The following SNRPN variants were observed in gnomAD, a reference collection of about 807,000 sequenced individuals.
SNRPN encodes small nuclear ribonucleoprotein-associated protein N.
SNRPN carries 7 observed loss-of-function variants against 25.2 expected under a neutral mutation model. The ratio of observed to expected loss-of-function variants is 0.28; its 90% CI spans 0.16 to 0.52. The LOEUF is 0.52. SNRPN is among the 20% of genes least tolerant of loss of function. SNRPN has a pLI of 0.96. For missense variants in SNRPN, 196 were observed against 322.5 expected, an observed-to-expected ratio of 0.61 and a Z score of 3.00; for synonymous variants, 124 against 110.6, an observed-to-expected ratio of 1.12 and a Z score of -0.76.
chr15:24,901,183 G>A (rs945331736), intron 2 of SNRPN, among the ~76,000 whole-genome samples: 3 of 152,106 alleles, frequency 2.0e-5, no homozygotes, highest in Admixed American at 6.6e-5. Context: ...TGGTATTGCC[G>A]TCTTAGGTAG....
intron 1 of SNRPN, among the ~76,000 whole-genome samples, chr15:24,873,865 A>G (rs1246656135): frequency 1.3e-5 from 2 of 152,160 alleles, no homozygotes; most frequent in Non-Finnish European, 2.9e-5. Flanking sequence ...CAGCTGATCT[A>G]GACCACATTT....
intron 2 of SNRPN, among the ~76,000 whole-genome samples, chr15:24,917,435 C>G (rs73354127): frequency 2.6e-5 from 4 of 152,236 alleles, no homozygotes; most frequent in East Asian, 3.9e-4. Context: ...TTAGTAATTT[C>G]GAAGTATTTT....
chr15:24,828,496 G>A (rs765467864), intron 1 of SNRPN, among the ~76,000 whole-genome samples: 44 of 151,944 alleles, frequency 2.9e-4, no homozygotes, highest in Non-Finnish European at 5.4e-4. Flanking sequence ...GCTGTGAGCT[G>A]AGATCGCGCC....
chr15:24,838,798 C>T (rs2051437374), intron 2 of SNRPN, among the ~76,000 whole-genome samples: 2 of 152,178 alleles, frequency 1.3e-5, no homozygotes, highest in East Asian at 3.9e-4. Flanking sequence ...AGATGTTTCC[C>T]GCACTACTAG....
rs2647360 is a variant in SNRPN, at chr15:24,929,157, A to G, written c.-391+9033A>G. 0.37 allele frequency among the ~76,000 whole-genome samples: 56,314 copies of G among 151,596 alleles called. 11,038 individuals carry two copies. The highest frequency in any genetic ancestry group is 0.53 in the East Asian group (2,719 of 5,142). The stretch of plus-strand genomic sequence containing the variant: ...GTATGTGACTATATGTATTGTGTAT[A>G]TATGTATGTAGCTATATGTGTGTAT... On this transcript the variant is annotated intron_variant, in intron 3 of 11. Transcript: ENST00000400097. This position sits in a 1 kb window ranked among gnomAD's most constrained non-coding sequence, Gnocchi z 5.3.
At chr15:24,848,853 A>C (rs2052513788) in intron 2 of SNRPN, 1 of 152,062 alleles carries the variant, frequency 6.6e-6, no homozygotes, top group African/African-American at 2.4e-5. Flanking sequence ...TTTAAGAAAA[A>C]ATGTACAAGG....
chr15:24,825,311 G>C (rs2050005680), intron 1 of SNRPN, among the ~76,000 whole-genome samples: 1 of 151,732 alleles, frequency 6.6e-6, no homozygotes, highest in South Asian at 2.1e-4. Flanking sequence ...GAACCTAATA[G>C]TCATTGCAAA....
At chr15:24,871,867 G>A (rs12907783) in intron 1 of SNRPN, among the ~76,000 whole-genome samples, 1 of 100,046 alleles carries the variant, frequency 1.0e-5, no homozygotes, top group Admixed American at 1.2e-4. Flanking sequence ...ACCACGCCTG[G>A]CTAATTTTTT....
At chr15:24,956,022 T>G (rs535196705) in intron 1 of SNRPN, among the ~76,000 whole-genome samples, 15 of 152,098 alleles carry the variant, frequency 9.9e-5, no homozygotes, top group Admixed American at 4.6e-4. Context: ...GTGGTGGTGG[T>G]GCTTTTTTAT....
In SNRPN at chr15:24,929,498, G is replaced by A. The variant is rs2060654638; in HGVS notation, c.-391+9374G>A. On this transcript the variant is annotated intron_variant, in intron 3 of 11. Coordinates refer to the SNRPN transcript ENST00000400097. The surrounding 1 kb of genome is among the most constrained non-coding windows in gnomAD (Gnocchi z 5.3). ...GAAAGGGGCCAGGTCTAGGAAGATG[G>A]GGAATACTTGCAGGCACCTGGGAAG... 6.6e-6 allele frequency among the ~76,000 whole-genome samples: 1 copy of A among 152,102 alleles called. No homozygotes were observed. Among genetic ancestry groups the A allele is most frequent in the Non-Finnish European group, 1.5e-5 (1 of 68,024 alleles).
chr15:24,976,693 AAAT>A (rs1172639803), intron 6 of SNRPN, among the ~76,000 whole-genome samples, 181 bp from the exon 7 acceptor site: 5 of 152,228 alleles, frequency 3.3e-5, no homozygotes, highest in Admixed American at 6.5e-5. Context: ...ACAATTTGAC[AAAT>A]AATGTGCATT....
At chr15:24,920,702 C>T (rs1023062237) in intron 3 of SNRPN, among the ~76,000 whole-genome samples, 1 of 152,092 alleles carries the variant, frequency 6.6e-6, no homozygotes, top group African/African-American at 2.4e-5. Flanking sequence ...AGAACGTGGG[C>T]GGGCAGCGGG....
chr15:24,960,899 G>A (rs1268979448), intron 1 of SNRPN, among the ~76,000 whole-genome samples: 1 of 152,106 alleles, frequency 6.6e-6, no homozygotes, highest in Non-Finnish European at 1.5e-5. Context: ...AAAATTAGTG[G>A]CATAAATGTG....
At chr15:24,830,638 A>G (rs1167877549) in intron 2 of SNRPN, among the ~76,000 whole-genome samples, 1 of 151,932 alleles carries the variant, frequency 6.6e-6, no homozygotes, top group Non-Finnish European at 1.5e-5. Context: ...TTTCCTTTCA[A>G]TTTAGTTCAA....
intron 2 of SNRPN, among the ~76,000 whole-genome samples, chr15:24,835,789 T>TTAAAAA (rs1013007468): frequency 3.3e-5 from 5 of 152,110 alleles, no homozygotes; most frequent in African/African-American, 7.3e-5. Flanking sequence ...AGAGAAAGTA[T>TTAAAAA]ATTTAAAAAC....
intron 2 of SNRPN, among the ~76,000 whole-genome samples, chr15:24,846,039 C>T (rs897770590): frequency 2.6e-5 from 4 of 151,324 alleles, no homozygotes; most frequent in Non-Finnish European, 4.4e-5. Flanking sequence ...AAGCCAAGAT[C>T]GTGCCACTGC....
chr15:24,838,930 G>A (rs2051447803), intron 2 of SNRPN, among the ~76,000 whole-genome samples: 1 of 151,984 alleles, frequency 6.6e-6, no homozygotes, highest in South Asian at 2.1e-4. Flanking sequence ...CCTTTCTGGG[G>A]TTTTATGGTG....
At chr15:24,887,922 C>T (rs2057340484) in intron 2 of SNRPN, among the ~76,000 whole-genome samples, 1 of 151,914 alleles carries the variant, frequency 6.6e-6, no homozygotes, top group Admixed American at 6.6e-5. Flanking sequence ...GACCTGAGGA[C>T]TTATATTAAG....
At chr15:24,898,417 G>A (rs1251528074) in intron 2 of SNRPN, among the ~76,000 whole-genome samples, 1 of 151,846 alleles carries the variant, frequency 6.6e-6, no homozygotes, top group Non-Finnish European at 1.5e-5. Context: ...GTAAAACCCC[G>A]TCTCTACTAA....
Sources: gnomAD v4.1 joint callset for allele counts (sites outside exome capture counted in the v4.1 genomes callset) on GRCh38, gnomAD v4.1.1 for gene constraint, Gnocchi (gnomAD v3.1) non-coding constraint, MANE v1.5 for transcripts, NCBI Gene and HGNC (gene_info 2026-07-23, HGNC 2026-07-21) for gene names.